RPRD1B: variants seen among roughly 807,000 people sequenced by gnomAD.
The protein encoded by RPRD1B is regulation of nuclear pre-mRNA domain containing 1B.
RPRD1B carries 11 observed loss-of-function variants against 41.5 expected under a neutral mutation model. The ratio of observed to expected loss-of-function variants is 0.27; its 90% confidence interval spans 0.17 to 0.44. The LOEUF is 0.44. Among genes scored for constraint, RPRD1B ranks in the 20% least tolerant of loss-of-function variants. RPRD1B has a pLI of 1.00. For missense variants in RPRD1B, 248 were observed against 389.9 expected (o/e 0.64, Z 3.06); for synonymous variants, 158 against 155.6 (o/e 1.02, Z -0.12).
intron 6 of RPRD1B, among the ~76,000 whole-genome samples, chr20:38,069,068 C>G (rs1180591102): frequency 6.6e-6 from 1 of 152,172 alleles, no homozygotes; most frequent in Non-Finnish European, 1.5e-5. Context: ...GCTTGCGAGT[C>G]TGTTTTCATC....
At chr20:38,046,380 A>G (rs2074121293) in intron 2 of RPRD1B, among the ~76,000 whole-genome samples, 1 of 152,186 alleles carries the variant, frequency 6.6e-6, no homozygotes, top group Non-Finnish European at 1.5e-5. Flanking sequence ...ACCCATATAC[A>G]TTTTTCTGGA....
At position 38,090,739 on chromosome 20, in the gene RPRD1B, G is replaced by GT; in HGVS notation, c.*865dup. The GT allele has an allele frequency of 1.0e-6, 1 of 985,534 alleles. No homozygotes were observed. Among genetic ancestry groups the GT allele is most frequent in the Non-Finnish European group, 1.2e-6 (1 of 829,980 alleles). 61.0% of individuals were successfully genotyped at this position (985,534 alleles called of 1,614,324 possible). A position where few individuals can be genotyped will look rare whatever the true frequency, so the allele number is the denominator to read the frequency against. On this transcript the variant is annotated 3_prime_UTR_variant, in exon 7 of 7. Coordinates refer to ENST00000373433, the MANE Select transcript of RPRD1B (RefSeq NM_021215.4). ...AAAGATGAAGGCCCCACACACAGGT[G>GT]TGCTGCATTTGGGATCTGTGTGGGT... is the stretch of plus-strand genomic sequence containing the variant.
intron 6 of RPRD1B, among the ~76,000 whole-genome samples, chr20:38,069,249 G>A (rs564922068): frequency 7.9e-5 from 12 of 152,238 alleles, no homozygotes; most frequent in East Asian, 7.7e-4. Flanking sequence ...AGGGAATTAC[G>A]GCTCAAAGTA....
chr20:38,067,694 C>T (rs2074371086), intron 6 of RPRD1B, among the ~76,000 whole-genome samples: 1 of 152,230 alleles, frequency 6.6e-6, no homozygotes, highest in African/African-American at 2.4e-5. Flanking sequence ...AAAAATCCTA[C>T]AGCTTAGATT....
At chr20:38,038,485 G>GTTT (rs2074027015) in intron 1 of RPRD1B, among the ~76,000 whole-genome samples, 17 of 83,124 alleles carry the variant, frequency 2.0e-4, no homozygotes, top group African/African-American at 9.0e-4. Flanking sequence ...GATTTTTTTT[G>GTTT]TTTTGTTTTT....
intron 6 of RPRD1B, among the ~76,000 whole-genome samples, chr20:38,087,064 TCTC>T (rs1396049732): frequency 6.6e-6 from 1 of 151,930 alleles, no homozygotes; most frequent in African/African-American, 2.4e-5. Flanking sequence ...TTCAAGCAAT[TCTC>T]CTGCCTCAGC....
chr20:38,055,195 A>G (rs2074226514), intron 3 of RPRD1B, among the ~76,000 whole-genome samples: 1 of 152,238 alleles, frequency 6.6e-6, no homozygotes, highest in Non-Finnish European at 1.5e-5. Context: ...ATAATAAACT[A>G]ATAGTTATTT....
At chr20:38,062,258 T>A (rs2074305303) in intron 5 of RPRD1B, among the ~76,000 whole-genome samples, 1 of 152,216 alleles carries the variant, frequency 6.6e-6, no homozygotes, top group South Asian at 2.1e-4. Context: ...GCTGGTTTCT[T>A]CACTCCTCCT....
chr20:38,038,598 C>A (rs1029986662), intron 1 of RPRD1B, among the ~76,000 whole-genome samples: 1 of 150,348 alleles, frequency 6.7e-6, no homozygotes, highest in African/African-American at 2.5e-5. Context: ...CTGGGCTCAC[C>A]CCATTGTCCT....
At chr20:38,048,508 C>T (rs749646572) in intron 3 of RPRD1B, 27 bp downstream of exon 3, 1 of 1,569,552 alleles carries the variant, frequency 6.4e-7, no homozygotes, top group South Asian at 1.1e-5. Context: ...ATGTTTACAG[C>T]TCTTGGTCTT....
At chr20:38,070,738 ATTTTTT>A in intron 6 of RPRD1B, 2 of 891,744 alleles carry the variant, frequency 2.2e-6, no homozygotes, top group Non-Finnish European at 2.6e-6. Context: ...CTTAACTGTG[ATTTTTT>A]TTTTTTTTTT....
intron 2 of RPRD1B, among the ~76,000 whole-genome samples, chr20:38,044,862 G>A (rs1264838370): frequency 2.6e-5 from 4 of 152,166 alleles, no homozygotes; most frequent in African/African-American, 7.2e-5. Context: ...TGTTGGAAGT[G>A]TAGGGAATAC....
Position 38,076,269 on chromosome 20 carries a change from C to T in RPRD1B, c.831+10013C>T, listed in dbSNP as rs140974016. Among the ~76,000 whole-genome samples the T allele has an allele frequency of 8.3e-3, 1,269 of 152,298 alleles. 10 individuals are homozygous for T. Among genetic ancestry groups the T allele is most frequent in the African/African-American group, 0.025 (1,041 of 41,560 alleles). On this transcript the variant is annotated intron_variant, in intron 6 of 6. Coordinates refer to ENST00000373433, the MANE Select transcript of RPRD1B (RefSeq NM_021215.4). Reference sequence around the variant, plus strand: ...TTTTTCCATTGAAGCCAGTGGTCCTCCCAGCGTTTTATCTTTGATGTGACT... The same window carrying T: ...TTTTTCCATTGAAGCCAGTGGTCCTTCCAGCGTTTTATCTTTGATGTGACT...
chr20:38,045,389 C>T (rs1001789409), intron 2 of RPRD1B, among the ~76,000 whole-genome samples: 1 of 152,180 alleles, frequency 6.6e-6, no homozygotes, highest in Admixed American at 6.5e-5. Flanking sequence ...GGAGCTACTT[C>T]CTTCAAAACC....
chr20:38,070,089 G>A (rs528059156), intron 6 of RPRD1B: 21 of 532,758 alleles, frequency 3.9e-5, no homozygotes, highest in Middle Eastern at 9.6e-4. Context: ...ATGTTAGTAC[G>A]GAAAGGTAAC....
intron 6 of RPRD1B, among the ~76,000 whole-genome samples, chr20:38,077,180 A>G (rs1707770376): frequency 1.3e-5 from 2 of 151,814 alleles, no homozygotes; most frequent in Non-Finnish European, 2.9e-5. Context: ...AGCCTCCCAA[A>G]GCGCTGGGAT....
At chr20:38,071,388 A>G (rs1005457414) in intron 6 of RPRD1B, among the ~76,000 whole-genome samples, 2 of 152,198 alleles carry the variant, frequency 1.3e-5, no homozygotes, top group Non-Finnish European at 2.9e-5. Flanking sequence ...CATCTCTTTT[A>G]TGGTAGAACA....
chr20:38,090,998 G>GAT lies in RPRD1B; in HGVS notation c.*1126_*1127dup. ...CGGGCAGGGGAAGCGGGGAGTTGGG[G>GAT]ATATTAATTGGGGGTTTTAATTCTA... is the stretch of plus-strand genomic sequence containing the variant. On this transcript the variant is annotated 3_prime_UTR_variant, in exon 7 of 7. Coordinates refer to ENST00000373433, the MANE Select transcript of RPRD1B (RefSeq NM_021215.4). 1.0e-6 allele frequency: 1 copy of GAT among 985,574 alleles called. No homozygotes were observed. Among genetic ancestry groups the GAT allele is most frequent in the Non-Finnish European group, 1.2e-6 (1 of 829,926 alleles). 61.1% of individuals were successfully genotyped at this position (985,574 alleles called of 1,614,324 possible).
At chr20:38,042,084 T>A (rs2074072058) in intron 2 of RPRD1B, among the ~76,000 whole-genome samples, 1 of 152,192 alleles carries the variant, frequency 6.6e-6, no homozygotes, top group Admixed American at 6.5e-5. Context: ...TGGAAGAGAT[T>A]TGGTCTAGGG....
Sources: gnomAD v4.1 joint callset for allele counts (sites outside exome capture counted in the v4.1 genomes callset) on GRCh38, gnomAD v4.1.1 for gene constraint, MANE v1.5 for transcripts, NCBI Gene and HGNC (gene_info 2026-07-23, HGNC 2026-07-21) for gene names.